Variants in SHANK2 observed in about 807,000 individuals in gnomAD.
SHANK2 encodes the protein SH3 and multiple ankyrin repeat domains protein 2.
A neutral mutation model predicts 133.7 loss-of-function variants in SHANK2; 43 were observed. The ratio of observed to expected loss-of-function variants is 0.32; its 90% CI spans 0.25 to 0.41. The LOEUF (loss-of-function observed/expected upper bound fraction) is 0.41, where lower values mean the gene tolerates loss of function less well. Among genes scored for constraint, SHANK2 ranks in the 10% least tolerant of loss-of-function variants. The pLI, the probability that SHANK2 is intolerant of heterozygous loss-of-function variation, is 1.00. For synonymous variants in SHANK2, 1,017 were observed against 952.8 expected (o/e 1.07, Z -1.24); for missense variants, 1,994 against 2,235.8 (o/e 0.89, Z 2.18).
At chr11:70,928,204 A>C (rs943073874) in intron 10 of SHANK2, among the ~76,000 whole-genome samples, 1 of 152,144 alleles carries the variant, frequency 6.6e-6, no homozygotes, top group Non-Finnish European at 1.5e-5. Context: ...ATTGTCGCCG[A>C]TACCTGTTCC....
At chr11:70,520,604 T>A (rs1349187691) in intron 17 of SHANK2, among the ~76,000 whole-genome samples, 2 of 152,310 alleles carry the variant, frequency 1.3e-5, no homozygotes, top group Admixed American at 6.5e-5. Flanking sequence ...GTTACTCTCC[T>A]TTCCCTACTT....
chr11:70,692,725 T>C lies in SHANK2; in HGVS notation c.1853+5963A>G, dbSNP rs1365675891. On this transcript the variant is annotated intron_variant, in intron 15 of 25. Transcript: ENST00000601538. ...ATCTTGAATTTTTAAACCAGGTATA[T>C]GTATTTCTTATTACTGATTTAGAAA... Among the ~76,000 whole-genome samples the C allele has an allele frequency of 6.6e-5, 10 of 152,336 alleles. No homozygotes were observed. In the East Asian group the frequency reaches 1.9e-3, roughly 29 times the overall value.
chr11:71,244,888 G>A (rs879963929), intron 1 of SHANK2, among the ~76,000 whole-genome samples: 8 of 152,082 alleles, frequency 5.3e-5, no homozygotes, highest in Non-Finnish European at 1.2e-4. Context: ...ATTTTTAGTG[G>A]AGATGGGGTT....
intron 1 of SHANK2, among the ~76,000 whole-genome samples, chr11:71,250,781 T>C (rs1591052843): frequency 1.3e-5 from 2 of 152,144 alleles, no homozygotes; most frequent in South Asian, 4.2e-4. Context: ...TGCCAGGTCC[T>C]TTTCCAGGGG....
intron 10 of SHANK2, among the ~76,000 whole-genome samples, chr11:70,906,637 T>A (rs1025486618): frequency 3.3e-5 from 5 of 152,208 alleles, no homozygotes; most frequent in Non-Finnish European, 2.9e-5. Context: ...ACCGAGCACT[T>A]GGGATGTCCC....
At chr11:70,913,884 C>G (rs117380517) in intron 10 of SHANK2, among the ~76,000 whole-genome samples, 1 of 152,308 alleles carries the variant, frequency 6.6e-6, no homozygotes, top group South Asian at 2.1e-4. Context: ...ACAACACTCA[C>G]GTTTAACCAC....
At chr11:70,568,496 G>T (rs2059996535) in intron 17 of SHANK2, among the ~76,000 whole-genome samples, 1 of 152,154 alleles carries the variant, frequency 6.6e-6, no homozygotes, top group Non-Finnish European at 1.5e-5. Context: ...AATCCTCGGA[G>T]CTCCGTGAAG....
chr11:70,680,592 A>G (rs1215724292), intron 15 of SHANK2, among the ~76,000 whole-genome samples: 1 of 152,026 alleles, frequency 6.6e-6, no homozygotes, highest in Non-Finnish European at 1.5e-5. Flanking sequence ...CTCCTAATCC[A>G]CCACCAGCTG....
intron 14 of SHANK2, among the ~76,000 whole-genome samples, chr11:70,796,297 C>A (rs889527826): frequency 1.3e-5 from 2 of 152,112 alleles, no homozygotes; most frequent in African/African-American, 4.8e-5. Flanking sequence ...TCCTGGAAGC[C>A]GCTACTCTCT....
chr11:70,544,829 G>A (rs1554975921), intron 17 of SHANK2, among the ~76,000 whole-genome samples: 1 of 152,224 alleles, frequency 6.6e-6, no homozygotes, highest in Non-Finnish European at 1.5e-5. Context: ...ATGTCACCGG[G>A]GCTGTCCTGG....
intron 9 of SHANK2, among the ~76,000 whole-genome samples, chr11:71,058,511 T>C (rs1435832645): frequency 6.6e-6 from 1 of 152,222 alleles, no homozygotes; most frequent in African/African-American, 2.4e-5. Context: ...AGTTGGCTGT[T>C]TAGAATAAGC....
At chr11:70,874,069 G>GATCC (rs1949514865) in intron 11 of SHANK2, among the ~76,000 whole-genome samples, 1 of 152,174 alleles carries the variant, frequency 6.6e-6, no homozygotes, top group South Asian at 2.1e-4. Context: ...TCTACCTATA[G>GATCC]ATCCATCCAT....
intron 10 of SHANK2, among the ~76,000 whole-genome samples, chr11:70,905,803 G>GT (rs112602946): frequency 6.6e-4 from 90 of 136,702 alleles, no homozygotes; most frequent in African/African-American, 2.3e-3. Flanking sequence ...CCCAGTTTAT[G>GT]TTTTTTTTTT....
At chr11:70,858,289 T>C (rs1949201318) in intron 11 of SHANK2, among the ~76,000 whole-genome samples, 1 of 152,242 alleles carries the variant, frequency 6.6e-6, no homozygotes, top group South Asian at 2.1e-4. Context: ...AAATTTGTAT[T>C]GCGCTGTGCG....
chr11:71,074,905 G>A (rs1432114327), intron 9 of SHANK2, among the ~76,000 whole-genome samples: 2 of 150,550 alleles, frequency 1.3e-5, no homozygotes, highest in East Asian at 2.0e-4. Flanking sequence ...TCAGCTTCCC[G>A]AGTAGCTGGG....
At chr11:70,615,558 G>C (rs1462402921) in intron 17 of SHANK2, among the ~76,000 whole-genome samples, 2 of 152,178 alleles carry the variant, frequency 1.3e-5, no homozygotes, top group African/African-American at 2.4e-5. Context: ...AGCACATGCA[G>C]TCAAGACTCC....
At chr11:70,906,198 C>A (rs1950101740) in intron 10 of SHANK2, among the ~76,000 whole-genome samples, 1 of 152,234 alleles carries the variant, frequency 6.6e-6, no homozygotes, top group Non-Finnish European at 1.5e-5. Context: ...CAGGCTCCGA[C>A]AAGGTGCCAC....
At chr11:70,869,769 A>G (rs1256890825) in intron 11 of SHANK2, among the ~76,000 whole-genome samples, 1 of 152,112 alleles carries the variant, frequency 6.6e-6, no homozygotes, top group Non-Finnish European at 1.5e-5. Flanking sequence ...CTCGACGGGG[A>G]GTCCATGGTG....
chr11:70,599,879 GAAAGAAAGAA>G (rs1427849194), intron 17 of SHANK2, among the ~76,000 whole-genome samples: 4 of 92,688 alleles, frequency 4.3e-5, no homozygotes, highest in East Asian at 6.4e-4. Flanking sequence ...AAGAAAGAAA[GAAAGAAAGAA>G]AAAGAAAGAA....
Sources: gnomAD v4.1 joint callset for allele counts (sites outside exome capture counted in the v4.1 genomes callset) on GRCh38, gnomAD v4.1.1 for gene constraint, MANE v1.5 for transcripts, NCBI Gene and HGNC (gene_info 2026-07-23, HGNC 2026-07-21) for gene names.